Variants in SACS observed in about 807,000 individuals in gnomAD.
SACS encodes the protein sacsin.
SACS carries 197 observed loss-of-function variants against 348.0 expected under a neutral mutation model. The ratio of observed to expected loss-of-function variants is 0.57; its 90% CI spans 0.50 to 0.64. The LOEUF (loss-of-function observed/expected upper bound fraction) is 0.64. SACS is among the 30% of genes least tolerant of loss of function. The probability of loss-of-function intolerance (pLI) is 0.00; values close to 1 mark genes in which losing one functional copy is unlikely to be tolerated. For synonymous variants in SACS, 1,985 were observed against 1,910.6 expected, an observed-to-expected ratio of 1.04 and a Z score of -1.02; for missense variants, 4,999 against 5,360.8, an observed-to-expected ratio of 0.93 and a Z score of 2.11.
rs1870340453 is a variant in SACS, at chr13:23,355,754, G to A, written c.858C>T (p.Leu286=). 6.2e-7 allele frequency: 1 copy of A among 1,614,198 alleles called. No homozygotes were observed. Among genetic ancestry groups the A allele is most frequent in the Admixed American group, 1.7e-5 (1 of 60,020 alleles). ...ACTCAAGAACCTTCTGCTTATTGTA[G>A]AGGTTACTACTAAGTTGTGAAGGTT... is the stretch of plus-strand genomic sequence containing the variant. The part of the protein sequence containing the change: ...RLQPSQLSSN[L]YNKQKVLELF... Residue 286 remains leucine (L), a synonymous_variant, in exon 8 of 10, where the codon CTC becomes CTT. Coordinates refer to ENST00000382292, the MANE Select transcript of SACS (RefSeq NM_014363.6).
Position 23,355,533 on chromosome 13 carries a change from C to T in SACS, c.1079G>A (p.Cys360Tyr), listed in dbSNP as rs983169408. 4.3e-6 allele frequency: 7 copies of T among 1,613,948 alleles called. No homozygotes were observed. The African/African-American group carries it at 9.3e-5, about 22-fold the overall frequency. ...KILGTAISNYCKKTPSNNITC... is the reference protein window; with the variant it reads ...KILGTAISNYYKKTPSNNITC... ...GATGTTATTGCTTGGAGTCTTTTTA[C>T]AATAGTTACTTATAGCAGTTCCCAG... is the stretch of plus-strand genomic sequence containing the variant. The change falls in exon 8 of 10, where the codon TGT becomes TAT. Residue 360 changes from cysteine (C) to tyrosine (Y), a missense_variant. Cys to Tyr is a radical substitution (Grantham distance 194). Around this residue, in one of 6 missense-constraint regions of SACS, gnomAD observed 3,156 missense variants for 3,380.1 expected, o/e 0.93. Coordinates refer to ENST00000382292, the MANE Select transcript of SACS (RefSeq NM_014363.6).
chr13:23,368,396 C>T lies in SACS; in HGVS notation c.345+6G>A. On this transcript the variant is annotated splice_donor_region_variant and intron_variant, in intron 5 of 9. Coordinates refer to ENST00000382292, the MANE Select transcript of SACS (RefSeq NM_014363.6). The stretch of plus-strand genomic sequence containing the variant: ...AAATAACACATGAACACGACATGTG[C>T]CCCACCTTAAGAATCTGTCCTCCTT... 6.3e-7 allele frequency: 1 copy of T among 1,595,256 alleles called. No homozygotes were observed. Among genetic ancestry groups the T allele is most frequent in the Non-Finnish European group, 8.6e-7 (1 of 1,164,282 alleles).
rs993679209 is a variant in SACS, at chr13:23,347,199, A to T, written c.2186-5509T>A. 6.6e-5 allele frequency among the ~76,000 whole-genome samples: 10 copies of T among 152,328 alleles called. No homozygotes were observed. The South Asian group carries it at 1.5e-3, about 22-fold the overall frequency. On this transcript the variant is annotated intron_variant, in intron 9 of 9. Transcript: ENST00000382292. ...CTATCATGTTCAGAGATTCTAGATT[A>T]AAAAACCTGATTTTTTAAATTTTTA...
intron 2 of SACS, among the ~76,000 whole-genome samples, chr13:23,400,947 T>A (rs1467561388): frequency 6.6e-6 from 1 of 151,330 alleles, no homozygotes; most frequent in East Asian, 2.0e-4. Context: ...TAAAAATTAT[T>A]AAGTTTATTC....
chr13:23,364,492 G>A (rs1566085841), intron 6 of SACS, among the ~76,000 whole-genome samples: 1 of 152,120 alleles, frequency 6.6e-6, no homozygotes, highest in East Asian at 1.9e-4. Context: ...CGTTCGCCAG[G>A]CTGGTCCCAA....
Position 23,337,005 on chromosome 13 carries a change from C to A in SACS, c.6871G>T (p.Asp2291Tyr), listed in dbSNP as rs1170939021. ...FLGLLKKPTV[D>Y]LVINQLKEVA... ...TCTTTCAATTGGTTTATAACCAGAT[C>A]AACTGTTGGCTTCTTGAGTAATCCC... The change falls in exon 10 of 10, where the codon GAT becomes TAT. Residue 2291 changes from aspartate (D) to tyrosine (Y), a missense_variant. Coordinates refer to ENST00000382292, the MANE Select transcript of SACS (RefSeq NM_014363.6). The A allele has an allele frequency of 6.2e-7, 1 of 1,613,980 alleles. No individual in the cohort carries two copies. Among genetic ancestry groups the A allele is most frequent in the East Asian group, 2.2e-5 (1 of 44,864 alleles).
intron 1 of SACS, among the ~76,000 whole-genome samples, chr13:23,421,507 G>A: frequency 6.6e-6 from 1 of 152,100 alleles, no homozygotes; most frequent in Non-Finnish European, 1.5e-5. Flanking sequence ...ACCCAGGCCT[G>A]TTGCCTACAT....
chr13:23,367,089 C>A (rs61948381), intron 5 of SACS, among the ~76,000 whole-genome samples: 13,143 of 152,304 alleles, frequency 0.086, 742 homozygotes, highest in South Asian at 0.13. Context: ...CACTTCTAAA[C>A]AGATGACAAC....
Position 23,334,447 on chromosome 13 carries a change from T to A in SACS, c.9429A>T (p.Ala3143=). Reference sequence around the variant, plus strand: ...CCTCAACTTCAATCTCATTTTCTTCTGCATCTTTAAAACAATAATCAACTA... The same window carrying A: ...CCTCAACTTCAATCTCATTTTCTTCAGCATCTTTAAAACAATAATCAACTA... The part of the protein sequence containing the change: ...KLLVDYCFKD[A]EENEIEVEGL... The change falls in exon 10 of 10, where the codon GCA becomes GCT. Residue 3143 remains alanine, a synonymous_variant. Coordinates refer to ENST00000382292, the MANE Select transcript of SACS (RefSeq NM_014363.6). 1 of 1,612,630 alleles carries A rather than the reference T, an allele frequency of 6.2e-7. No homozygotes were observed.
chr13:23,335,837 T>A lies in SACS; in HGVS notation c.8039A>T (p.Asp2680Val). 3 of 1,614,020 alleles carry A rather than the reference T, an allele frequency of 1.9e-6. No individual in the cohort carries two copies. Among genetic ancestry groups the A allele is most frequent in the Non-Finnish European group, 8.5e-7 (1 of 1,179,908 alleles). ...GGTTCCCAGATAAAGATCCAGAACA[T>A]CTGAGAACTGTGTCCTAAAATCTGC... The part of the protein sequence containing the change: ...LDADFRTQFS[D>V]VLDLYLGTHF... The change falls in exon 10 of 10, where the codon GAT becomes GTT. Residue 2680 changes from aspartate (D) to valine (V), a missense_variant. Physicochemically the swap from Asp to Val is radical, Grantham distance 152. Around this residue, in one of 6 missense-constraint regions of SACS, gnomAD observed 3,156 missense variants for 3,380.1 expected, o/e 0.93. Transcript: ENST00000382292. This position sits in a 1 kb window ranked among gnomAD's most constrained non-coding sequence, Gnocchi z 4.7.
At chr13:23,383,247 T>C (rs1872141911) in intron 2 of SACS, among the ~76,000 whole-genome samples, 1 of 152,164 alleles carries the variant, frequency 6.6e-6, no homozygotes. Flanking sequence ...TTGACCACGA[T>C]AAATATCGTT....
rs1883322943 is a variant in SACS, at chr13:23,329,340, T to C, written c.*796A>G. Reference sequence around the variant, plus strand: ...TATAAATTATAACATTTGTGGAAAATATGTACACACAAACATAAAGCAAGT... The same window carrying C: ...TATAAATTATAACATTTGTGGAAAACATGTACACACAAACATAAAGCAAGT... On this transcript the variant is annotated 3_prime_UTR_variant, in exon 10 of 10. Coordinates refer to ENST00000382292, the MANE Select transcript of SACS (RefSeq NM_014363.6). The C allele has an allele frequency of 4.5e-6, 3 of 664,812 alleles. No individual in the cohort carries two copies. The highest frequency in any genetic ancestry group is 3.6e-5 in the South Asian group (2 of 55,260). The allele number at this position is 664,812 out of a possible 1,614,324, so 41.2% of individuals were successfully genotyped here.
rs979327782 is a variant in SACS, at chr13:23,339,030, T to G, written c.4846A>C (p.Asn1616His). 1.4e-5 allele frequency: 23 copies of G among 1,613,570 alleles called. No homozygotes were observed. The highest frequency in any genetic ancestry group is 1.7e-5 in the Admixed American group (1 of 59,992). Residue 1616 changes from asparagine to histidine, a missense_variant, in exon 10 of 10, where the codon AAT becomes CAT. By Grantham distance (68) the Asn-to-His change is moderately conservative. Transcript: ENST00000382292. Reference protein sequence around the residue: ...KQQKRLRKFPNQFKPFIDVFG... With the variant: ...KQQKRLRKFPHQFKPFIDVFG... Reference sequence around the variant, plus strand: ...ACATCTATAAATGGTTTGAACTGATTAGGAAATTTTCTAAGTCTTTTCTGT... The same window carrying G: ...ACATCTATAAATGGTTTGAACTGATGAGGAAATTTTCTAAGTCTTTTCTGT...
In SACS at chr13:23,336,916, G is replaced by A. The variant is rs1868662506; in HGVS notation, c.6960C>T (p.Tyr2320=). Residue 2320 remains tyrosine (Y), a synonymous_variant, in exon 10 of 10, where the codon TAC becomes TAT. Transcript: ENST00000382292. ...GCATCAAGGCTTCATGAAGGTATTT[G>A]TAGCAAGCATTGGTGATATTCTCCT... ...LYQENITNAC[Y]KYLHEALMQN... 1 of 1,613,846 alleles carries A rather than the reference G, an allele frequency of 6.2e-7. No individual in the cohort carries two copies. Among genetic ancestry groups the A allele is most frequent in the Non-Finnish European group, 8.5e-7 (1 of 1,179,782 alleles).
intron 1 of SACS, among the ~76,000 whole-genome samples, chr13:23,422,311 A>G (rs1285612471): frequency 6.6e-6 from 1 of 152,242 alleles, no homozygotes; most frequent in Admixed American, 6.5e-5. Flanking sequence ...GCTTTATTAT[A>G]TCACTGAATG....
chr13:23,358,950 C>T (rs1456561183), intron 6 of SACS, among the ~76,000 whole-genome samples: 4 of 152,042 alleles, frequency 2.6e-5, no homozygotes, highest in African/African-American at 4.8e-5. Flanking sequence ...GAGGCCAAAG[C>T]GTATAGATCA....
At chr13:23,348,738 T>C (rs2137681297) in intron 9 of SACS, among the ~76,000 whole-genome samples, 1 of 151,930 alleles carries the variant, frequency 6.6e-6, no homozygotes, top group East Asian at 1.9e-4. Context: ...CTGGGCAAAG[T>C]AGAGGATGGA....
At chr13:23,365,993 C>T (rs771921866) in intron 5 of SACS, among the ~76,000 whole-genome samples, 3 of 152,160 alleles carry the variant, frequency 2.0e-5, no homozygotes, top group Non-Finnish European at 4.4e-5. Flanking sequence ...ACCCCAATCA[C>T]TTCTGCACAC....
Position 23,418,608 on chromosome 13 carries a change from T to G in SACS, c.-501-6868A>C, listed in dbSNP as rs116910942. ...GCAACTTCCGCCTCCTGGGTTCTAGTGATTTGCCTGCCTCAGCTGTCTGAG... is the reference window on the plus strand; with the variant it reads ...GCAACTTCCGCCTCCTGGGTTCTAGGGATTTGCCTGCCTCAGCTGTCTGAG... On this transcript the variant is annotated intron_variant, in intron 1 of 9. Transcript: ENST00000382292. Among the ~76,000 whole-genome samples, 67 of 152,174 alleles carry G rather than the reference T, an allele frequency of 4.4e-4. No homozygotes were observed. The East Asian group carries it at 7.6e-3, about 17-fold the overall frequency.
Sources: allele counts gnomAD v4.1 joint callset (sites outside exome capture counted in the v4.1 genomes callset), GRCh38; gene constraint gnomAD v4.1.1; regional missense constraint gnomAD v4.1.1; non-coding constraint Gnocchi (gnomAD v3.1); transcripts MANE v1.5; gene names NCBI Gene and HGNC (gene_info 2026-07-23, HGNC 2026-07-21).